DOCK5: variants seen among roughly 807,000 people sequenced by gnomAD.
DOCK5 encodes dedicator of cytokinesis 5.
Under a neutral mutation model 251.8 loss-of-function variants are expected in DOCK5, and 142 were observed. That is an observed-to-expected ratio of 0.56 (90% CI 0.49 to 0.65). DOCK5 has a LOEUF of 0.65. DOCK5 is among the 30% of genes least tolerant of loss of function. The probability of loss-of-function intolerance (pLI) is 0.00; values close to 1 mark genes in which losing one functional copy is unlikely to be tolerated. For missense variants in DOCK5, 2,111 were observed against 2,312.3 expected (o/e 0.91, Z 1.79); for synonymous variants, 842 against 835.5 (o/e 1.01, Z -0.13).
At chr8:25,370,656 G>A (rs1413217751) in intron 34 of DOCK5, among the ~76,000 whole-genome samples, 3 of 151,996 alleles carry the variant, frequency 2.0e-5, no homozygotes, top group Non-Finnish European at 2.9e-5. Context: ...GGCATATGTC[G>A]CCATTCCCAG....
intron 1 of DOCK5, among the ~76,000 whole-genome samples, chr8:25,196,906 C>G (rs1278778350): frequency 6.6e-6 from 1 of 152,124 alleles, no homozygotes; most frequent in Non-Finnish European, 1.5e-5. Flanking sequence ...TTGTTCTTCA[C>G]TAAATATTTT....
At chr8:25,194,056 C>T (rs923946138) in intron 1 of DOCK5, among the ~76,000 whole-genome samples, 5 of 150,504 alleles carry the variant, frequency 3.3e-5, no homozygotes, top group East Asian at 2.0e-4. Context: ...GAGGCTGAGG[C>T]GGGTGTATCA....
intron 5 of DOCK5, among the ~76,000 whole-genome samples, chr8:25,286,884 T>C (rs1431575714): frequency 6.6e-6 from 1 of 152,090 alleles, no homozygotes; most frequent in Non-Finnish European, 1.5e-5. Flanking sequence ...ACAGAGTCTT[T>C]AGCCCATGCA....
chr8:25,407,251 G>GA (rs1469730017), intron 48 of DOCK5, among the ~76,000 whole-genome samples: 2 of 151,904 alleles, frequency 1.3e-5, no homozygotes, highest in Non-Finnish European at 2.9e-5. Context: ...CTAGAATCTA[G>GA]ATTACATTCT....
At position 25,341,815 on chromosome 8, in the gene DOCK5, T is replaced by C. The variant is rs1805963071; in HGVS notation, c.2510+6T>C. ...TTTGATCCTGTTGAGCTCAGGTAAA[T>C]AGCAAAACAAAATTTTGTTCCTTAA... is the stretch of plus-strand genomic sequence containing the variant. On this transcript the variant is annotated splice_donor_region_variant and intron_variant, in intron 24 of 51. Coordinates refer to ENST00000276440, the MANE Select transcript of DOCK5 (RefSeq NM_024940.8). The C allele has an allele frequency of 3.2e-6, 5 of 1,559,964 alleles. No homozygotes were observed. Among genetic ancestry groups the C allele is most frequent in the Middle Eastern group, 1.7e-4 (1 of 5,986 alleles).
chr8:25,404,967 T>C (rs1719599729), intron 48 of DOCK5, among the ~76,000 whole-genome samples: 1 of 152,176 alleles, frequency 6.6e-6, no homozygotes, highest in African/African-American at 2.4e-5. Context: ...TTGGTTTTTG[T>C]TTATTTTTCT....
intron 5 of DOCK5, among the ~76,000 whole-genome samples, chr8:25,291,081 G>A (rs1804473806): frequency 6.6e-6 from 1 of 152,178 alleles, no homozygotes; most frequent in Non-Finnish European, 1.5e-5. Flanking sequence ...AGACTGGTAT[G>A]AAATGCAGCT....
chr8:25,318,765 A>G (rs1444551657), intron 14 of DOCK5, among the ~76,000 whole-genome samples: 1 of 151,988 alleles, frequency 6.6e-6, no homozygotes. Context: ...TATGAGCCGT[A>G]GTTAACTGCT....
At chr8:25,324,490 T>C (rs1030075812) in intron 17 of DOCK5, among the ~76,000 whole-genome samples, 3 of 152,248 alleles carry the variant, frequency 2.0e-5, no homozygotes, top group African/African-American at 7.2e-5. Flanking sequence ...AAGATCTCAT[T>C]TAGCCAACAA....
chr8:25,243,144 A>G (rs1802997797), intron 1 of DOCK5, among the ~76,000 whole-genome samples: 1 of 152,144 alleles, frequency 6.6e-6, no homozygotes, highest in Non-Finnish European at 1.5e-5. Context: ...GACAGGGGCC[A>G]TGTCCATGTG....
At chr8:25,393,899 G>A (rs1236208704) in intron 44 of DOCK5, among the ~76,000 whole-genome samples, 1 of 152,206 alleles carries the variant, frequency 6.6e-6, no homozygotes, top group African/African-American at 2.4e-5. Context: ...TTCAAGAAAT[G>A]TTTCTTGACC....
At chr8:25,272,143 C>T (rs537213067) in intron 3 of DOCK5, among the ~76,000 whole-genome samples, 18 of 152,142 alleles carry the variant, frequency 1.2e-4, no homozygotes, top group Non-Finnish European at 1.9e-4. Context: ...ATCCTCCTGC[C>T]TCAGCCTCCC....
chr8:25,362,819 T>C (rs1800710788), intron 28 of DOCK5, among the ~76,000 whole-genome samples: 1 of 152,178 alleles, frequency 6.6e-6, no homozygotes, highest in Non-Finnish European at 1.5e-5. Flanking sequence ...ATGTGGATGA[T>C]TCTTTTTGTC....
At position 25,411,214 on chromosome 8, in the gene DOCK5, C is replaced by A. The variant is rs1801626422; in HGVS notation, c.5529C>A (p.Val1843=). 1 of 1,591,196 alleles carries A rather than the reference C, an allele frequency of 6.3e-7. No individual in the cohort carries two copies. Among genetic ancestry groups the A allele is most frequent in the African/African-American group, 1.4e-5 (1 of 73,402 alleles). The stretch of plus-strand genomic sequence containing the variant: ...TGCAGCTCGCTCCCCCACTGCCTGT[C>A]CGAAGAGAAGCCAAAGCACCACCCC... The part of the protein sequence containing the change: ...NSTELAPPLP[V]RREAKAPPPP... The change falls in exon 52 of 52, where the codon GTC becomes GTA. Residue 1843 remains valine, a synonymous_variant. Transcript: ENST00000276440.
chr8:25,328,803 A>G (rs747129597), intron 18 of DOCK5, among the ~76,000 whole-genome samples: 1 of 152,206 alleles, frequency 6.6e-6, no homozygotes, highest in Non-Finnish European at 1.5e-5. Flanking sequence ...AAAGAGAGGA[A>G]TGTGCAGGTC....
chr8:25,396,670 G>T (rs1801350357), intron 45 of DOCK5, among the ~76,000 whole-genome samples: 1 of 152,080 alleles, frequency 6.6e-6, no homozygotes, highest in East Asian at 1.9e-4. Context: ...ATTTGTCAAG[G>T]ACGCCCCTGT....
intron 3 of DOCK5, among the ~76,000 whole-genome samples, chr8:25,273,819 G>T (rs915349318): frequency 6.6e-6 from 1 of 152,068 alleles, no homozygotes; most frequent in African/African-American, 2.4e-5. Flanking sequence ...TCAATTATTT[G>T]ATCAGTTTTC....
At chr8:25,223,205 T>G (rs1186300784) in intron 1 of DOCK5, among the ~76,000 whole-genome samples, 2 of 152,242 alleles carry the variant, frequency 1.3e-5, no homozygotes, top group Non-Finnish European at 2.9e-5. Context: ...AAGGTCTCAC[T>G]ACGTTGCCCA....
In DOCK5 at chr8:25,319,570, A is replaced by T. The variant is rs1805364449; in HGVS notation, c.1444-8A>T. Reference sequence around the variant, plus strand: ...TATTCCCTTCTAATTTTTTCCTTCCATCTGAAGAAAGCAATTCACCCTGGT... The same window carrying T: ...TATTCCCTTCTAATTTTTTCCTTCCTTCTGAAGAAAGCAATTCACCCTGGT... On this transcript the variant is annotated splice_polypyrimidine_tract_variant and splice_region_variant and intron_variant, in intron 14 of 51. Transcript: ENST00000276440. 1 of 1,563,890 alleles carries T rather than the reference A, an allele frequency of 6.4e-7. No homozygotes were observed. Among genetic ancestry groups the T allele is most frequent in the South Asian group, 1.2e-5 (1 of 84,798 alleles).
Sources: allele counts gnomAD v4.1 joint callset (sites outside exome capture counted in the v4.1 genomes callset), GRCh38; gene constraint gnomAD v4.1.1; transcripts MANE v1.5; gene names NCBI Gene and HGNC (gene_info 2026-07-23, HGNC 2026-07-21).